The following ABCA13 variants were observed in gnomAD, a reference collection of about 807,000 sequenced individuals.
ABCA13 encodes ATP binding cassette subfamily A member 13.
In ABCA13, 476 loss-of-function variants were observed where a neutral mutation model predicts 478.7. That is an observed-to-expected ratio of 0.99 (90% confidence interval 0.92 to 1.07). ABCA13 has a LOEUF of 1.07. Ranked by LOEUF, ABCA13 falls within the 50% of genes least tolerant of loss-of-function variation. The pLI, the probability that ABCA13 is intolerant of heterozygous loss-of-function variation, is 0.00. For missense variants in ABCA13, 6,060 were observed against 5,910.6 expected (o/e 1.03, Z -0.83); for synonymous variants, 2,252 against 2,158.9 (o/e 1.04, Z -1.20).
chr7:48,410,985 TTC>T (rs1158446191), intron 40 of ABCA13, among the ~76,000 whole-genome samples: 2 of 60,236 alleles, frequency 3.3e-5, no homozygotes, highest in African/African-American at 6.5e-5. Flanking sequence ...TTCTCTTTCT[TTC>T]TTTCTTTCTT....
intron 58 of ABCA13, among the ~76,000 whole-genome samples, chr7:48,611,084 C>A (rs1425470738): frequency 1.3e-5 from 2 of 152,176 alleles, no homozygotes; most frequent in African/African-American, 4.8e-5. Context: ...TGATGTCAGG[C>A]TGCAAATTTT....
In ABCA13 at chr7:48,412,462, C is replaced by T. The variant is rs758302328; in HGVS notation, c.12338C>T (p.Thr4113Ile). The change falls in exon 41 of 62, where the codon ACC (threonine) becomes ATC (isoleucine). Residue 4113 changes from threonine (T) to isoleucine (I), a missense_variant. Around this residue, in one of 3 missense-constraint regions of ABCA13, gnomAD observed 1,627 missense variants for 1,571.0 expected, o/e 1.04. Coordinates refer to ENST00000435803, the MANE Select transcript of ABCA13 (RefSeq NM_152701.5). Reference protein sequence around the residue: ...FLKDSSGSELTYTIPKDTDKA... With the variant: ...FLKDSSGSELIYTIPKDTDKA... ...AAAGACAGCAGTGGAAGTGAGCTGA[C>T]CTACACCATTCCAAAGGACACAGAC... 1.2e-6 allele frequency: 2 copies of T among 1,613,162 alleles called. No homozygotes were observed. The highest frequency in any genetic ancestry group is 4.5e-5 in the East Asian group (2 of 44,766).
intron 1 of ABCA13, among the ~76,000 whole-genome samples, chr7:48,179,201 T>C (rs1795306726): frequency 6.6e-6 from 1 of 152,058 alleles, no homozygotes; most frequent in African/African-American, 2.4e-5. Context: ...ACAGTAACAA[T>C]AATGTGAGAG....
intron 54 of ABCA13, among the ~76,000 whole-genome samples, chr7:48,527,262 G>A (rs1290455742): frequency 6.6e-6 from 1 of 152,066 alleles, no homozygotes; most frequent in Admixed American, 6.5e-5. Context: ...CAGGGAAAGC[G>A]GGGAAAACAT....
intron 55 of ABCA13, among the ~76,000 whole-genome samples, chr7:48,548,581 G>A (rs1410382897): frequency 3.3e-5 from 5 of 149,380 alleles, no homozygotes; most frequent in African/African-American, 4.9e-5. Flanking sequence ...ATTGTTAAAC[G>A]TCAAAAGCAA....
chr7:48,526,870 A>G (rs377404003), intron 54 of ABCA13, among the ~76,000 whole-genome samples: 6 of 152,316 alleles, frequency 3.9e-5, no homozygotes, highest in South Asian at 2.1e-4. Context: ...AGCATGTACT[A>G]TGTTACATGG....
chr7:48,325,152 A>G (rs749665277), intron 27 of ABCA13, among the ~76,000 whole-genome samples: 10 of 152,102 alleles, frequency 6.6e-5, no homozygotes, highest in Non-Finnish European at 1.5e-4. Context: ...GCCTGAGCAA[A>G]TTTTTGCAGA....
At chr7:48,347,808 A>G (rs1808343090) in intron 29 of ABCA13, among the ~76,000 whole-genome samples, 1 of 152,248 alleles carries the variant, frequency 6.6e-6, no homozygotes, top group Admixed American at 6.5e-5. Context: ...ACAATTTTAT[A>G]TAGTGTATTA....
chr7:48,248,953 C>CT (rs372684070), intron 14 of ABCA13, among the ~76,000 whole-genome samples: 34 of 152,132 alleles, frequency 2.2e-4, no homozygotes, highest in African/African-American at 7.0e-4. Flanking sequence ...TAATTTTCCT[C>CT]TTTTTTTGTC....
chr7:48,328,908 G>A (rs1314893584), intron 27 of ABCA13, among the ~76,000 whole-genome samples: 8 of 152,182 alleles, frequency 5.3e-5, no homozygotes, highest in Admixed American at 5.2e-4. Context: ...TTAGGAGAGA[G>A]TCACTCTCAT....
chr7:48,416,169 T>C (rs563907694), intron 41 of ABCA13, among the ~76,000 whole-genome samples: 15 of 152,310 alleles, frequency 9.8e-5, no homozygotes, highest in African/African-American at 3.6e-4. Flanking sequence ...AGTGTTATTT[T>C]AGTAAAAACT....
intron 12 of ABCA13, 87 bp downstream of exon 12, chr7:48,245,699 A>G: frequency 1.3e-6 from 2 of 1,484,104 alleles, no homozygotes; most frequent in Non-Finnish European, 1.8e-6. Context: ...TCCTTTTGTG[A>G]ATTGTGCTAG....
chr7:48,298,253 G>T, intron 22 of ABCA13, 113 bp from the exon 23 acceptor site: 8 of 952,178 alleles, frequency 8.4e-6, no homozygotes, highest in Non-Finnish European at 1.2e-5. Flanking sequence ...TTTATGGGTT[G>T]AATGGTGTGA....
intron 37 of ABCA13, among the ~76,000 whole-genome samples, chr7:48,389,540 G>A (rs182592022): frequency 6.6e-6 from 1 of 152,272 alleles, no homozygotes; most frequent in East Asian, 1.9e-4. Context: ...AAGTCCTTTG[G>A]CACTTTCAGC....
At chr7:48,270,643 A>G (rs1421953835) in intron 16 of ABCA13, among the ~76,000 whole-genome samples, 1 of 152,206 alleles carries the variant, frequency 6.6e-6, no homozygotes, top group Non-Finnish European at 1.5e-5. Context: ...TGTCCTAAAA[A>G]TAACAACTAA....
chr7:48,556,145 A>G (rs1383114069), intron 55 of ABCA13, among the ~76,000 whole-genome samples: 1 of 151,662 alleles, frequency 6.6e-6, no homozygotes, highest in African/African-American at 2.4e-5. Flanking sequence ...TTCTAGCTTT[A>G]TTCTCTTGTG....
rs554827378 is a variant in ABCA13 at position 48,314,423 on chromosome 7, A to AAT, written c.9859+25_9859+26dup. 1,202 of 1,540,116 alleles carry AAT rather than the reference A, an allele frequency of 7.8e-4. 4 individuals carry two copies. The East Asian group carries it at 0.017, about 22-fold the overall frequency. On this transcript the variant is annotated intron_variant, in intron 26 of 61. Transcript: ENST00000435803. ...CTGAAGATTCAAGTAAGACAGTAGT[A>AAT]ATATATATATATGTGTTTAGATTCG...
intron 10 of ABCA13, among the ~76,000 whole-genome samples, chr7:48,242,233 C>T (rs1324090915): frequency 6.6e-6 from 1 of 151,878 alleles, no homozygotes; most frequent in Non-Finnish European, 1.5e-5. Context: ...TGTGCCAGGC[C>T]AGGGGATTGA....
At chr7:48,582,397 T>A (rs1218922499) in intron 56 of ABCA13, among the ~76,000 whole-genome samples, 1 of 152,208 alleles carries the variant, frequency 6.6e-6, no homozygotes, top group South Asian at 2.1e-4. Context: ...ATGGGGCTCC[T>A]CCTGCTGCCT....
Sources: allele counts gnomAD v4.1 joint callset (sites outside exome capture counted in the v4.1 genomes callset), GRCh38; gene constraint gnomAD v4.1.1; regional missense constraint gnomAD v4.1.1; transcripts MANE v1.5; gene names NCBI Gene and HGNC (gene_info 2026-07-23, HGNC 2026-07-21).